Variants in SUSD5 observed in about 807,000 individuals in gnomAD.
The protein encoded by SUSD5 is sushi domain containing 5.
Under a neutral mutation model 29.5 loss-of-function variants are expected in SUSD5, and 33 were observed. The observed-to-expected ratio is 1.12, with a 90% CI of 0.85 to 1.49. The LOEUF (loss-of-function observed/expected upper bound fraction) is 1.49, where lower values mean the gene tolerates loss of function less well. Among genes scored for constraint, SUSD5 ranks in the 40% most tolerant of loss-of-function variants. The pLI is 0.00. For synonymous variants in SUSD5, 308 were observed against 325.3 expected, an observed-to-expected ratio of 0.95 and a Z score of 0.57; for missense variants, 776 against 800.6, an observed-to-expected ratio of 0.97 and a Z score of 0.37.
chr3:33,212,641 T>G (rs1474042832), intron 2 of SUSD5, among the ~76,000 whole-genome samples: 1 of 152,212 alleles, frequency 6.6e-6, no homozygotes, highest in Non-Finnish European at 1.5e-5. Context: ...AGCCACTGGC[T>G]AGGACATTGG....
At chr3:33,218,256 C>G (rs1458010929) in intron 1 of SUSD5, among the ~76,000 whole-genome samples, 5 of 152,210 alleles carry the variant, frequency 3.3e-5, no homozygotes, top group Non-Finnish European at 5.9e-5. Flanking sequence ...CTTCCCGGAC[C>G]AAGCCAAAAT....
intron 3 of SUSD5, among the ~76,000 whole-genome samples, chr3:33,185,929 G>A (rs749427162): frequency 6.6e-6 from 1 of 151,084 alleles, no homozygotes; most frequent in Non-Finnish European, 1.5e-5. Context: ...TGGAACTGCT[G>A]CATCAAAGTA....
In SUSD5 at chr3:33,152,980, G is replaced by T. The variant is rs754575197; in HGVS notation, c.1652C>A (p.Ala551Glu). ...CAAGGTGGGATGAAGCTCCTCACTTGCACCTGGCCCGGGGCCTTCCTGTCC... is the reference window on the plus strand; with the variant it reads ...CAAGGTGGGATGAAGCTCCTCACTTTCACCTGGCCCGGGGCCTTCCTGTCC... ...FFGQEGPGPG[A>E]SEELHPTLES... Residue 551 changes from alanine to glutamate, a missense_variant, in exon 5 of 5, where the codon GCA becomes GAA. Transcript: ENST00000309558. 1 of 1,613,958 alleles carries T rather than the reference G, an allele frequency of 6.2e-7. No homozygotes were observed. Among genetic ancestry groups the T allele is most frequent in the Admixed American group, 1.7e-5 (1 of 60,016 alleles).
chr3:33,181,231 T>C (rs969356386), intron 3 of SUSD5, among the ~76,000 whole-genome samples: 4 of 152,154 alleles, frequency 2.6e-5, no homozygotes, highest in African/African-American at 9.7e-5. Flanking sequence ...TCTGCAGTAG[T>C]ATACAGTAAC....
chr3:33,208,723 C>T (rs1317164349), intron 2 of SUSD5, among the ~76,000 whole-genome samples: 1 of 152,118 alleles, frequency 6.6e-6, no homozygotes, highest in African/African-American at 2.4e-5. Flanking sequence ...GAAGTTACAA[C>T]TTCTTTGACT....
intron 1 of SUSD5, among the ~76,000 whole-genome samples, chr3:33,214,334 A>C (rs2032386763): frequency 7.8e-6 from 1 of 128,208 alleles, no homozygotes; most frequent in Non-Finnish European, 1.6e-5. Context: ...ACCCGCCCAA[A>C]ATTAACCATC....
At chr3:33,192,098 G>C (rs1468407599) in intron 3 of SUSD5, among the ~76,000 whole-genome samples, 1 of 149,808 alleles carries the variant, frequency 6.7e-6, no homozygotes, top group East Asian at 2.0e-4. Context: ...TTTTGAGACA[G>C]AGCCTTGCTC....
At chr3:33,205,507 T>C (rs886666011) in intron 3 of SUSD5, among the ~76,000 whole-genome samples, 3 of 152,224 alleles carry the variant, frequency 2.0e-5, no homozygotes, top group Non-Finnish European at 4.4e-5. Context: ...TCATACATAT[T>C]GAGTTGCCCA....
intron 3 of SUSD5, among the ~76,000 whole-genome samples, chr3:33,184,675 A>AT (rs1272570890): frequency 2.0e-5 from 3 of 152,046 alleles, no homozygotes; most frequent in African/African-American, 7.3e-5. Context: ...TCAACCGCAG[A>AT]TATTTTCTCC....
intron 3 of SUSD5, among the ~76,000 whole-genome samples, chr3:33,176,719 C>G (rs1575533777): frequency 6.6e-6 from 1 of 152,178 alleles, no homozygotes; most frequent in East Asian, 1.9e-4. Flanking sequence ...AGCAGTCTTA[C>G]AGTTTTGGGT....
At chr3:33,183,975 T>A (rs1367041208) in intron 3 of SUSD5, among the ~76,000 whole-genome samples, 2 of 143,374 alleles carry the variant, frequency 1.4e-5, no homozygotes, top group African/African-American at 5.3e-5. Context: ...TCTCGCTCTA[T>A]CTCCTTGGCT....
intron 3 of SUSD5, among the ~76,000 whole-genome samples, chr3:33,175,742 C>T (rs946989151): frequency 6.6e-6 from 1 of 151,882 alleles, no homozygotes; most frequent in Admixed American, 6.6e-5. Flanking sequence ...AGAGAGTTCC[C>T]CTATACCCCC....
At position 33,218,788 on chromosome 3, in the gene SUSD5, C is replaced by A; in HGVS notation, c.10G>T (p.Glu4Ter). The A allele has an allele frequency of 6.9e-7, 1 of 1,443,996 alleles. No individual in the cohort carries two copies. Among genetic ancestry groups the A allele is most frequent in the South Asian group, 1.4e-5 (1 of 71,400 alleles). 89.4% of individuals were successfully genotyped at this position (1,443,996 alleles called of 1,614,324 possible). The part of the protein sequence containing the change: MTA[E>*]GPSPPARWHR... ...CAACGGGCAGGCGGGCTGGGTCCCT[C>A]GGCAGTCATGGTCCGGGAGTGCGCG... is the stretch of plus-strand genomic sequence containing the variant. The change falls in exon 1 of 5, where the codon GAG becomes TAG. Residue 4 changes from glutamate (E) to a stop codon, truncating the protein, a stop_gained. Coordinates refer to ENST00000309558, the MANE Select transcript of SUSD5 (RefSeq NM_015551.2). LOFTEE classifies it high-confidence loss of function.
At position 33,152,548 on chromosome 3, in the gene SUSD5, A is replaced by C. The variant is rs2030925206; in HGVS notation, c.*194T>G. ...GGCAGATGGTGGAGGAGACATTGACATGAGTGATGATGTCACCAAAGCCTC... is the reference window on the plus strand; with the variant it reads ...GGCAGATGGTGGAGGAGACATTGACCTGAGTGATGATGTCACCAAAGCCTC... On this transcript the variant is annotated 3_prime_UTR_variant, in exon 5 of 5. Coordinates refer to ENST00000309558, the MANE Select transcript of SUSD5 (RefSeq NM_015551.2). 6.7e-6 allele frequency: 4 copies of C among 596,412 alleles called. No individual in the cohort carries two copies. The highest frequency in any genetic ancestry group is 1.2e-5 in the Non-Finnish European group (4 of 341,190). The allele number at this position is 596,412 out of a possible 1,614,324, so 36.9% of individuals were successfully genotyped here.
chr3:33,203,768 C>T (rs1007871879), intron 3 of SUSD5, among the ~76,000 whole-genome samples: 3 of 152,140 alleles, frequency 2.0e-5, no homozygotes, highest in Non-Finnish European at 2.9e-5. Flanking sequence ...TCGTTGTGCC[C>T]GGGTCTCCAC....
At chr3:33,191,425 C>T (rs1226289351) in intron 3 of SUSD5, among the ~76,000 whole-genome samples, 4 of 152,028 alleles carry the variant, frequency 2.6e-5, no homozygotes, top group East Asian at 1.9e-4. Flanking sequence ...CCACTGCACC[C>T]GGCCTAGTAT....
chr3:33,213,708 A>T (rs184493665), intron 2 of SUSD5, among the ~76,000 whole-genome samples: 1 of 152,250 alleles, frequency 6.6e-6, no homozygotes, highest in East Asian at 1.9e-4. Flanking sequence ...TGGGAGGTGG[A>T]GGTTGCAGTG....
intron 2 of SUSD5, among the ~76,000 whole-genome samples, chr3:33,211,143 C>T (rs375282754): frequency 2.0e-5 from 3 of 152,330 alleles, no homozygotes; most frequent in Middle Eastern, 3.4e-3. Flanking sequence ...ATCTGCCCGC[C>T]GTGGCCTCCC....
At chr3:33,156,126 C>T (rs918126428) in intron 4 of SUSD5, among the ~76,000 whole-genome samples, 2 of 151,702 alleles carry the variant, frequency 1.3e-5, no homozygotes, top group East Asian at 1.9e-4. Flanking sequence ...CTGCAACCTC[C>T]GCCTCCCGGG....
Sources: gnomAD v4.1 joint callset for allele counts (sites outside exome capture counted in the v4.1 genomes callset) on GRCh38, gnomAD v4.1.1 for gene constraint, MANE v1.5 for transcripts, NCBI Gene and HGNC (gene_info 2026-07-23, HGNC 2026-07-21) for gene names.